Variants in ADAM22 observed in about 807,000 individuals in gnomAD.
ADAM22 encodes the protein ADAM metallopeptidase domain 22, also known as disintegrin and metalloproteinase domain-containing protein 22.
ADAM22 carries 65 observed loss-of-function variants against 144.6 expected under a neutral mutation model. The ratio of observed to expected loss-of-function variants is 0.45; its 90% CI spans 0.37 to 0.55. The LOEUF (loss-of-function observed/expected upper bound fraction) is 0.55. ADAM22 is among the 20% of genes least tolerant of loss of function. The pLI is 0.00. For synonymous variants in ADAM22, 391 were observed against 412.6 expected (o/e 0.95, Z 0.63); for missense variants, 974 against 1,184.9 (o/e 0.82, Z 2.61).
chr7:87,953,294 C>G lies in ADAM22; in HGVS notation c.246+18108C>G, dbSNP rs1584548733. 2.0e-5 allele frequency among the ~76,000 whole-genome samples: 3 copies of G among 151,778 alleles called. No individual in the cohort carries two copies. The South Asian group carries it at 6.3e-4, about 32-fold the overall frequency. On this transcript the variant is annotated intron_variant, in intron 2 of 31. Coordinates refer to ENST00000413139, the MANE Select transcript of ADAM22 (RefSeq NM_001324418.2). ...GTGGGCATTTAGTGCTATAAATTTC[C>G]CTCTACACACTGCTTTGAATGTGTC... is the stretch of plus-strand genomic sequence containing the variant.
chr7:88,091,564 C>A (rs1209082555), intron 4 of ADAM22, among the ~76,000 whole-genome samples: 1 of 152,062 alleles, frequency 6.6e-6, no homozygotes, highest in South Asian at 2.1e-4. Context: ...GTGCTAGATG[C>A]CAGTCTAAGT....
intron 2 of ADAM22, among the ~76,000 whole-genome samples, chr7:87,977,824 G>C (rs143965292): frequency 6.6e-6 from 1 of 152,094 alleles, no homozygotes; most frequent in East Asian, 1.9e-4. Flanking sequence ...GGAAGATGTG[G>C]AAACCTTGAT....
intron 3 of ADAM22, among the ~76,000 whole-genome samples, chr7:88,056,577 A>G (rs1277526283): frequency 6.6e-6 from 1 of 152,242 alleles, no homozygotes; most frequent in Non-Finnish European, 1.5e-5. Context: ...TAATTGTGAA[A>G]AGAGGTGCCA....
chr7:88,005,755 C>A (rs1044948480), intron 3 of ADAM22, among the ~76,000 whole-genome samples: 11 of 151,576 alleles, frequency 7.3e-5, no homozygotes, highest in Admixed American at 3.9e-4. Context: ...GTTCATTAGG[C>A]CTGAAAATCA....
At chr7:88,003,949 A>C (rs183458697) in intron 3 of ADAM22, among the ~76,000 whole-genome samples, 85 of 152,338 alleles carry the variant, frequency 5.6e-4, no homozygotes, top group African/African-American at 2.0e-3. Flanking sequence ...CACCTGGTGG[A>C]AAAGTACACT....
chr7:88,045,888 T>TTGTGTGTGTGTGTGTGTGTG (rs59898382), intron 3 of ADAM22, among the ~76,000 whole-genome samples: 7 of 133,924 alleles, frequency 5.2e-5, no homozygotes, highest in South Asian at 5.4e-4. Context: ...TCGTATTCTA[T>TTGTGTGTGTGTGTGTGTGTG]TGTGTGTGTG....
Position 87,958,722 on chromosome 7 carries a change from G to T in ADAM22, c.247-19614G>T, listed in dbSNP as rs1847374824. 3.3e-5 allele frequency among the ~76,000 whole-genome samples: 5 copies of T among 152,082 alleles called. No individual in the cohort carries two copies. The South Asian group carries it at 1.0e-3, about 32-fold the overall frequency. On this transcript the variant is annotated intron_variant, in intron 2 of 31. Coordinates refer to ENST00000413139, the MANE Select transcript of ADAM22 (RefSeq NM_001324418.2). Reference sequence around the variant, plus strand: ...TTAACAATATTGTGGGTATGAGATGGTATCTAGTTATTTTACTTTCCATTT... The same window carrying T: ...TTAACAATATTGTGGGTATGAGATGTTATCTAGTTATTTTACTTTCCATTT...
chr7:88,111,658 T>G (rs1826071832), intron 5 of ADAM22, among the ~76,000 whole-genome samples: 1 of 151,776 alleles, frequency 6.6e-6, no homozygotes, highest in South Asian at 2.1e-4. Context: ...TTTTGAAATT[T>G]TAGCTCAATT....
intron 25 of ADAM22, among the ~76,000 whole-genome samples, chr7:88,169,253 G>A (rs952755491): frequency 3.3e-5 from 5 of 152,012 alleles, no homozygotes; most frequent in African/African-American, 7.2e-5. Context: ...ACAGGCATTT[G>A]TGGAAGACTA....
chr7:88,168,366 T>C (rs768992913), intron 25 of ADAM22, 139 bp downstream of exon 25: 1 of 814,892 alleles, frequency 1.2e-6, no homozygotes, highest in Non-Finnish European at 2.1e-6. Context: ...AGCCAGTCAA[T>C]GCTTATTCTT....
intron 3 of ADAM22, among the ~76,000 whole-genome samples, chr7:88,018,298 G>A (rs950189795): frequency 5.3e-5 from 8 of 152,106 alleles, no homozygotes; most frequent in African/African-American, 1.9e-4. Context: ...GTTTCATGTT[G>A]TTTGAGATGC....
intron 12 of ADAM22, 152 bp from the exon 13 acceptor site, chr7:88,134,177 C>T (rs1196883684): frequency 1.7e-5 from 8 of 482,894 alleles, no homozygotes; most frequent in Non-Finnish European, 2.8e-5. Flanking sequence ...TTCCCAAATG[C>T]ATATTCAGTG....
At chr7:88,069,874 C>T (rs1812283289) in intron 3 of ADAM22, among the ~76,000 whole-genome samples, 1 of 152,184 alleles carries the variant, frequency 6.6e-6, no homozygotes, top group South Asian at 2.1e-4. Flanking sequence ...GATACTGAAT[C>T]AGGTATGTCA....
chr7:87,978,290 A>G, intron 2 of ADAM22, 46 bp from the exon 3 acceptor site: 1 of 1,392,032 alleles, frequency 7.2e-7, no homozygotes, highest in Non-Finnish European at 1.0e-6. Flanking sequence ...TTGTCTGATT[A>G]GTATGGCTGA....
Position 88,111,137 on chromosome 7 carries a change from C to A in ADAM22, c.473+2879C>A, listed in dbSNP as rs559659939. Among the ~76,000 whole-genome samples, 9 of 152,034 alleles carry A rather than the reference C, an allele frequency of 5.9e-5. No individual in the cohort carries two copies. In the South Asian group the frequency reaches 1.9e-3, roughly 32 times the overall value. On this transcript the variant is annotated intron_variant, in intron 5 of 31. Coordinates refer to ENST00000413139, the MANE Select transcript of ADAM22 (RefSeq NM_001324418.2). ...GGAACATTGTCAGAATTGTGTATGA[C>A]CATTTTAGGCTTTCTTAGACTTTTA...
At chr7:88,059,747 T>C (rs1809241098) in intron 3 of ADAM22, among the ~76,000 whole-genome samples, 1 of 152,106 alleles carries the variant, frequency 6.6e-6, no homozygotes. Context: ...TTGTCCTAAG[T>C]GAATTAGTGC....
At chr7:87,960,093 C>CTT (rs1378905623) in intron 2 of ADAM22, among the ~76,000 whole-genome samples, 1 of 152,174 alleles carries the variant, frequency 6.6e-6, no homozygotes, top group Non-Finnish European at 1.5e-5. Context: ...AACTGAAGAA[C>CTT]TTCCATGTTC....
chr7:88,096,522 T>G (rs2129485851), intron 4 of ADAM22, among the ~76,000 whole-genome samples: 1 of 151,516 alleles, frequency 6.6e-6, no homozygotes, highest in African/African-American at 2.4e-5. Context: ...ATTCCATAAC[T>G]TATACTATGA....
intron 3 of ADAM22, among the ~76,000 whole-genome samples, chr7:88,018,351 T>C (rs1373758192): frequency 6.6e-6 from 1 of 152,172 alleles, no homozygotes; most frequent in Non-Finnish European, 1.5e-5. Context: ...ACTTTGTTAA[T>C]AACAATTAAA....
Sources: allele counts gnomAD v4.1 joint callset (sites outside exome capture counted in the v4.1 genomes callset), GRCh38; gene constraint gnomAD v4.1.1; transcripts MANE v1.5; gene names NCBI Gene and HGNC (gene_info 2026-07-23, HGNC 2026-07-21).